The following SHISA6 variants were observed in gnomAD, a reference collection of about 807,000 sequenced individuals.
SHISA6 encodes protein shisa-6.
In SHISA6, 22 loss-of-function variants were observed where a neutral mutation model predicts 47.9. The observed-to-expected ratio is 0.46, with a 90% confidence interval of 0.33 to 0.66. SHISA6 has a LOEUF of 0.66. Ranked by LOEUF, SHISA6 falls within the 30% of genes least tolerant of loss-of-function variation. SHISA6 has a pLI of 0.02. For missense variants in SHISA6, 680 were observed against 764.6 expected (o/e 0.89, Z 1.30); for synonymous variants, 388 against 337.8 (o/e 1.15, Z -1.63).
chr17:11,310,303 C>T (rs867302154), intron 2 of SHISA6, among the ~76,000 whole-genome samples: 1 of 152,200 alleles, frequency 6.6e-6, no homozygotes, highest in South Asian at 2.1e-4. Context: ...CTGCTGTCAA[C>T]CCAAGGCTGT....
At chr17:11,543,800 G>GCAAATATA (rs2071854398) in intron 3 of SHISA6, among the ~76,000 whole-genome samples, 1 of 150,966 alleles carries the variant, frequency 6.6e-6, no homozygotes, top group South Asian at 2.1e-4. Context: ...TCAGAAATAG[G>GCAAATATA]CCCATGCAAA....
chr17:11,325,152 G>A (rs1222862561), intron 2 of SHISA6, among the ~76,000 whole-genome samples: 1 of 152,192 alleles, frequency 6.6e-6, no homozygotes, highest in Non-Finnish European at 1.5e-5. Context: ...CACCCCAGAT[G>A]GAAATGATAA....
intron 3 of SHISA6, among the ~76,000 whole-genome samples, chr17:11,521,700 G>A (rs72809052): frequency 0.033 from 5,090 of 152,198 alleles, 130 homozygotes; most frequent in Non-Finnish European, 0.048. Flanking sequence ...CTATCCAGGA[G>A]GCTGAGATGA....
chr17:11,489,717 G>C (rs1182306128), intron 3 of SHISA6, among the ~76,000 whole-genome samples: 1 of 152,088 alleles, frequency 6.6e-6, no homozygotes, highest in Non-Finnish European at 1.5e-5. Context: ...GTTTTCAACC[G>C]GGGGCCAGTT....
chr17:11,414,233 C>A (rs1175751707), intron 3 of SHISA6, among the ~76,000 whole-genome samples: 1 of 152,084 alleles, frequency 6.6e-6, no homozygotes, highest in Admixed American at 6.6e-5. Flanking sequence ...AAAGACAGGC[C>A]AGGGAAGAAA....
intron 1 of SHISA6, among the ~76,000 whole-genome samples, chr17:11,261,483 A>G (rs1201709683): frequency 6.6e-6 from 1 of 152,228 alleles, no homozygotes; most frequent in Non-Finnish European, 1.5e-5. Context: ...CTTTTCTCAC[A>G]TGACCTAGAG....
intron 3 of SHISA6, among the ~76,000 whole-genome samples, chr17:11,458,071 C>T (rs1415408124): frequency 5.1e-5 from 7 of 137,426 alleles, no homozygotes; most frequent in African/African-American, 1.5e-4. Flanking sequence ...GATGACATAG[C>T]GAGACTCTGT....
At chr17:11,501,564 A>G (rs1389048947) in intron 3 of SHISA6, among the ~76,000 whole-genome samples, 2 of 152,172 alleles carry the variant, frequency 1.3e-5, no homozygotes, top group African/African-American at 4.8e-5. Flanking sequence ...TCCCATTTCT[A>G]GGAATGGGAG....
intron 3 of SHISA6, chr17:11,380,110 T>A (rs530718278): frequency 6.6e-6 from 1 of 152,402 alleles, no homozygotes; most frequent in African/African-American, 2.4e-5. Context: ...GGGCATGGAC[T>A]CCTCCTCAAT....
In SHISA6 at chr17:11,318,701, C is replaced by T. The variant is rs1036177733; in HGVS notation, c.799+55175C>T. Among the ~76,000 whole-genome samples, 19 of 152,310 alleles carry T rather than the reference C, an allele frequency of 1.2e-4. No homozygotes were observed. The Middle Eastern group carries it at 0.014, about 109-fold the overall frequency. ...AGTAGGGACTGTGTCTGTTTTTACT[C>T]TTCGTTGCATATGCAGTATCTACCA... is the stretch of plus-strand genomic sequence containing the variant. On this transcript the variant is annotated intron_variant, in intron 2 of 5. Coordinates refer to ENST00000441885, the MANE Select transcript of SHISA6 (RefSeq NM_207386.4).
In SHISA6 at chr17:11,241,301, C is replaced by A; in HGVS notation, c.-122C>A. ...GCCCGCGCCTCGATGGCGCCATCGC[C>A]CCGGAGCCGCTGACCGCTCAGCGCC... On this transcript the variant is annotated 5_prime_UTR_variant, in exon 1 of 6. Coordinates refer to ENST00000441885, the MANE Select transcript of SHISA6 (RefSeq NM_207386.4). The surrounding 1 kb of genome is among the most constrained non-coding windows in gnomAD (Gnocchi z 5.5). 1 of 552,072 alleles carries A rather than the reference C, an allele frequency of 1.8e-6. No homozygotes were observed. Among genetic ancestry groups the A allele is most frequent in the South Asian group, 7.5e-5 (1 of 13,404 alleles). The allele number at this position is 552,072 out of a possible 1,614,324, so 34.2% of individuals were successfully genotyped here.
At chr17:11,448,822 G>A (rs60098248) in intron 3 of SHISA6, among the ~76,000 whole-genome samples, 1,921 of 152,002 alleles carry the variant, frequency 0.013, 42 homozygotes, top group African/African-American at 0.043. Flanking sequence ...GCAAAACTCC[G>A]TCTTGTCTGA....
Position 11,555,136 on chromosome 17 carries a change from G to A in SHISA6, c.953-604G>A, listed in dbSNP as rs541509016. Reference sequence around the variant, plus strand: ...GGGGGCTTCAGAGAAAGGAATTAGAGTAAGATAAAATAGCTCTGTGGCTCA... The same window carrying A: ...GGGGGCTTCAGAGAAAGGAATTAGAATAAGATAAAATAGCTCTGTGGCTCA... On this transcript the variant is annotated intron_variant, in intron 4 of 5. Coordinates refer to ENST00000441885, the MANE Select transcript of SHISA6 (RefSeq NM_207386.4). Among the ~76,000 whole-genome samples, 5 of 152,240 alleles carry A rather than the reference G, an allele frequency of 3.3e-5. No individual in the cohort carries two copies. In the South Asian group the frequency reaches 8.3e-4, roughly 25 times the overall value.
chr17:11,563,613 T>A lies in SHISA6; in HGVS notation c.*5309T>A, dbSNP rs998214928. 1.3e-5 allele frequency: 2 copies of A among 152,196 alleles called. No homozygotes were observed. Among genetic ancestry groups the A allele is most frequent in the Non-Finnish European group, 2.9e-5 (2 of 68,030 alleles). The allele number at this position is 152,196 out of a possible 1,614,324, so 9.4% of individuals were successfully genotyped here. ...AATGCCACACCATGGGAGGACTCAT[T>A]CATTGGCTTTGTAGTGGCAAATATT... is the stretch of plus-strand genomic sequence containing the variant. On this transcript the variant is annotated 3_prime_UTR_variant, in exon 6 of 6. Coordinates refer to ENST00000441885, the MANE Select transcript of SHISA6 (RefSeq NM_207386.4).
intron 3 of SHISA6, among the ~76,000 whole-genome samples, chr17:11,388,790 T>TTA (rs56048344): frequency 0.027 from 1,351 of 49,428 alleles, 11 homozygotes; most frequent in Non-Finnish European, 0.035. Context: ...AAACAAAAGT[T>TTA]TATATATATA....
At chr17:11,245,884 G>C (rs1907563362) in intron 1 of SHISA6, among the ~76,000 whole-genome samples, 1 of 152,148 alleles carries the variant, frequency 6.6e-6, no homozygotes, top group Admixed American at 6.5e-5. Flanking sequence ...GGAATACTTT[G>C]TTCTACTCTT....
intron 3 of SHISA6, among the ~76,000 whole-genome samples, chr17:11,534,392 C>A (rs1490328076): frequency 1.3e-5 from 2 of 152,058 alleles, no homozygotes; most frequent in Non-Finnish European, 2.9e-5. Flanking sequence ...CTTCATATCT[C>A]CCCAAGTGCC....
chr17:11,362,826 C>T (rs1479266965), intron 2 of SHISA6, among the ~76,000 whole-genome samples: 2 of 152,190 alleles, frequency 1.3e-5, no homozygotes, highest in Non-Finnish European at 2.9e-5. Flanking sequence ...CTCCTAAACC[C>T]AGAGATTTAT....
At chr17:11,263,198 C>G in intron 1 of SHISA6, among the ~76,000 whole-genome samples, 168 bp from the exon 2 acceptor site, 1 of 152,054 alleles carries the variant, frequency 6.6e-6, no homozygotes, top group East Asian at 1.9e-4. Flanking sequence ...TACCCTGTGT[C>G]CCCCCTGAGA....
Sources: allele counts gnomAD v4.1 joint callset (sites outside exome capture counted in the v4.1 genomes callset), GRCh38; gene constraint gnomAD v4.1.1; non-coding constraint Gnocchi (gnomAD v3.1); transcripts MANE v1.5; gene names NCBI Gene and HGNC (gene_info 2026-07-23, HGNC 2026-07-21).